The following TNR variants were observed in gnomAD, a reference collection of about 807,000 sequenced individuals.
TNR encodes the protein tenascin-R.
In TNR, 45 loss-of-function variants were observed where a neutral mutation model predicts 150.4. The ratio of observed to expected loss-of-function variants is 0.30; its 90% CI spans 0.24 to 0.38. The LOEUF is 0.38. Among genes scored for constraint, TNR ranks in the 10% least tolerant of loss-of-function variants. The pLI is 1.00. For missense variants in TNR, 1,544 were observed against 1,759.1 expected (o/e 0.88, Z 2.19); for synonymous variants, 687 against 678.4 (o/e 1.01, Z -0.20).
At chr1:175,333,177 T>G (rs1650033813) in intron 20 of TNR, 1 of 152,214 alleles carries the variant, frequency 6.6e-6, no homozygotes, top group Admixed American at 6.5e-5. Flanking sequence ...TTAATTGCAT[T>G]TATTTTTGAG....
chr1:175,400,783 C>G (rs773963530), intron 4 of TNR, among the ~76,000 whole-genome samples: 3 of 152,164 alleles, frequency 2.0e-5, no homozygotes, highest in Non-Finnish European at 4.4e-5. Flanking sequence ...GTGGTGTGTG[C>G]ACCCGGCCAG....
intron 8 of TNR, among the ~76,000 whole-genome samples, 181 bp from the exon 9 acceptor site, chr1:175,379,918 A>C (rs10912967): frequency 0.2 from 30,227 of 152,144 alleles, 3,103 homozygotes; most frequent in Middle Eastern, 0.29. Flanking sequence ...TTCCTTGGGC[A>C]GGTTAGAGTG....
intron 1 of TNR, among the ~76,000 whole-genome samples, chr1:175,652,682 C>T (rs1269755692): frequency 6.6e-6 from 1 of 152,168 alleles, no homozygotes; most frequent in African/African-American, 2.4e-5. Context: ...GTAAGACGTG[C>T]CTGCTTCCCC....
rs548067168 is a variant in TNR at position 175,444,108 on chromosome 1, C to A, written c.-63-37331G>T. ...GCCCCAGCCAACTTCTGAATTATGC[C>A]ATAATCAGAGACTCCAGTCAAAATA... On this transcript the variant is annotated intron_variant, in intron 2 of 22. Transcript: ENST00000367674. 6.2e-4 allele frequency among the ~76,000 whole-genome samples: 95 copies of A among 152,224 alleles called. 1 individual carries two copies. The highest frequency in any genetic ancestry group is 2.3e-3 in the African/African-American group (95 of 41,518).
intron 1 of TNR, among the ~76,000 whole-genome samples, chr1:175,640,276 A>G (rs1380008802): frequency 6.6e-6 from 1 of 152,234 alleles, no homozygotes; most frequent in African/African-American, 2.4e-5. Flanking sequence ...TCTTTCCTCT[A>G]TATGGCCTGT....
At chr1:175,409,187 C>T (rs1409912737) in intron 2 of TNR, among the ~76,000 whole-genome samples, 12 of 152,164 alleles carry the variant, frequency 7.9e-5, no homozygotes, top group Non-Finnish European at 1.5e-4. Context: ...TACACACAGA[C>T]GGGGTCTTGG....
intron 2 of TNR, among the ~76,000 whole-genome samples, chr1:175,506,311 A>G (rs1430993330): frequency 6.6e-6 from 1 of 152,214 alleles, no homozygotes; most frequent in African/African-American, 2.4e-5. Context: ...CCAAATTGTT[A>G]GTGGTCATTG....
chr1:175,527,605 A>C (rs1054847466), intron 2 of TNR, among the ~76,000 whole-genome samples: 1 of 152,230 alleles, frequency 6.6e-6, no homozygotes, highest in African/African-American at 2.4e-5. Context: ...CAGTATATCA[A>C]GTTTGAGTGC....
chr1:175,624,681 A>G (rs1227518355), intron 1 of TNR, among the ~76,000 whole-genome samples: 2 of 152,184 alleles, frequency 1.3e-5, no homozygotes, highest in Non-Finnish European at 2.9e-5. Context: ...GAACTGTCAG[A>G]CAATATAATT....
intron 2 of TNR, among the ~76,000 whole-genome samples, chr1:175,444,891 C>A (rs180989580): frequency 1.2e-3 from 180 of 152,278 alleles, no homozygotes; most frequent in Admixed American, 2.0e-3. Flanking sequence ...GAGGGGAAAG[C>A]CTGTGCAAAG....
At chr1:175,588,374 G>T (rs1395266828) in intron 1 of TNR, among the ~76,000 whole-genome samples, 1 of 152,098 alleles carries the variant, frequency 6.6e-6, no homozygotes, top group Non-Finnish European at 1.5e-5. Flanking sequence ...TTACACCTTG[G>T]GCCTTCCTAG....
chr1:175,701,262 C>G (rs1323122), intron 1 of TNR, among the ~76,000 whole-genome samples: 6,193 of 152,260 alleles, frequency 0.041, 160 homozygotes, highest in African/African-American at 0.056. Context: ...GATTCCTGTT[C>G]CTGCTCTCCT....
chr1:175,692,860 G>A (rs546324551), intron 1 of TNR, among the ~76,000 whole-genome samples: 17 of 152,282 alleles, frequency 1.1e-4, no homozygotes, highest in Non-Finnish European at 1.3e-4. Context: ...TGGTGAGGAC[G>A]TATGCAGGGA....
intron 2 of TNR, among the ~76,000 whole-genome samples, chr1:175,414,283 A>C (rs1654339031): frequency 1.3e-5 from 2 of 149,470 alleles, no homozygotes; most frequent in South Asian, 2.2e-4. Context: ...CAGAGAAGGA[A>C]GAAAAAAAAA....
intron 1 of TNR, among the ~76,000 whole-genome samples, chr1:175,564,049 T>C (rs1037995240): frequency 2.6e-5 from 4 of 152,260 alleles, no homozygotes; most frequent in Non-Finnish European, 4.4e-5. Context: ...GAACCAGTTG[T>C]TGATTTAGAC....
At position 175,406,784 on chromosome 1, in the gene TNR, C is replaced by T. The variant is rs74127001; in HGVS notation, c.-63-7G>A. 8,130 of 1,561,962 alleles carry T rather than the reference C, an allele frequency of 5.2e-3. 311 individuals are homozygous for T. In the African/African-American group the frequency reaches 0.089, roughly 17 times the overall value. The stretch of plus-strand genomic sequence containing the variant: ...AGCATGGAGTTGTGGGAATCTGCAA[C>T]GGAAACCAAGGAAAGAGACAACCTC... On this transcript the variant is annotated splice_region_variant and splice_polypyrimidine_tract_variant and intron_variant, in intron 2 of 22. Coordinates refer to ENST00000367674, the MANE Select transcript of TNR (RefSeq NM_003285.3).
intron 2 of TNR, among the ~76,000 whole-genome samples, chr1:175,498,906 ATAGC>A (rs1421330636): frequency 6.6e-6 from 1 of 152,230 alleles, no homozygotes; most frequent in African/African-American, 2.4e-5. Context: ...GCATTTGATG[ATAGC>A]ATTAAACTGT....
At chr1:175,705,039 T>C (rs1176602655) in intron 1 of TNR, among the ~76,000 whole-genome samples, 1 of 152,140 alleles carries the variant, frequency 6.6e-6, no homozygotes, top group East Asian at 1.9e-4. Flanking sequence ...AGAGTCTCCT[T>C]CAGCTGGGCT....
At chr1:175,739,665 T>C (rs565261449) in intron 1 of TNR, among the ~76,000 whole-genome samples, 3 of 152,330 alleles carry the variant, frequency 2.0e-5, no homozygotes, top group Admixed American at 6.5e-5. Flanking sequence ...TAGAGCTATG[T>C]TGGTACATGG....
Sources: gnomAD v4.1 joint callset for allele counts (sites outside exome capture counted in the v4.1 genomes callset) on GRCh38, gnomAD v4.1.1 for gene constraint, MANE v1.5 for transcripts, NCBI Gene and HGNC (gene_info 2026-07-23, HGNC 2026-07-21) for gene names.